The following DCC variants were observed in gnomAD, a reference collection of about 807,000 sequenced individuals.
DCC encodes netrin receptor DCC.
DCC carries 58 observed loss-of-function variants against 172.5 expected under a neutral mutation model. The observed-to-expected ratio is 0.34, with a 90% CI of 0.27 to 0.42. DCC has a LOEUF of 0.42. DCC is among the 10% of genes least tolerant of loss of function. The probability of loss-of-function intolerance (pLI) is 1.00; values close to 1 mark genes in which losing one functional copy is unlikely to be tolerated. For synonymous variants in DCC, 709 were observed against 644.5 expected (o/e 1.10, Z -1.52); for missense variants, 1,740 against 1,791.0 (o/e 0.97, Z 0.51).
chr18:52,662,279 T>A (rs996364164), intron 1 of DCC, among the ~76,000 whole-genome samples: 2 of 152,206 alleles, frequency 1.3e-5, no homozygotes, highest in Admixed American at 1.3e-4. Flanking sequence ...TTCTAGGAGA[T>A]TCAACATGTG....
At chr18:52,876,687 A>G (rs1741669097) in intron 2 of DCC, among the ~76,000 whole-genome samples, 1 of 152,348 alleles carries the variant, frequency 6.6e-6, no homozygotes, top group Non-Finnish European at 1.5e-5. Flanking sequence ...GCCCATAAAT[A>G]TCTTTGTAAA....
At chr18:52,848,153 T>C (rs2038924255) in intron 2 of DCC, among the ~76,000 whole-genome samples, 1 of 148,536 alleles carries the variant, frequency 6.7e-6, no homozygotes, top group African/African-American at 2.5e-5. Context: ...TGGTGCAATC[T>C]CAGCTCACTG....
chr18:53,457,764 T>A (rs1424013752), intron 23 of DCC, among the ~76,000 whole-genome samples: 20 of 152,166 alleles, frequency 1.3e-4, no homozygotes, highest in Admixed American at 1.3e-3. Context: ...AGACCATTGT[T>A]TTAAAACATT....
intron 1 of DCC, among the ~76,000 whole-genome samples, chr18:52,720,761 T>C (rs1361784641): frequency 6.6e-6 from 1 of 152,210 alleles, no homozygotes; most frequent in Non-Finnish European, 1.5e-5. Flanking sequence ...GCTCTTCCTG[T>C]GTGGTTACCA....
rs761396880 is a variant in DCC at position 53,526,749 on chromosome 18, A to G, written c.4244A>G (p.Asp1415Gly). 5.6e-6 allele frequency: 9 copies of G among 1,613,408 alleles called. No homozygotes were observed. The highest frequency in any genetic ancestry group is 1.1e-5 in the South Asian group (1 of 91,082). The part of the protein sequence containing the change: ...VSEESHKPTE[D>G]SANVYEQDDL... The stretch of plus-strand genomic sequence containing the variant: ...GAGGAGAGCCACAAACCAACAGAGG[A>G]TTCAGCCAATGTAAGGGCATCTTTA... The change falls in exon 28 of 29, where the codon GAT becomes GGT. Residue 1415 changes from aspartate to glycine, a missense_variant. Transcript: ENST00000442544.
At chr18:52,613,267 T>A (rs2034308356) in intron 1 of DCC, among the ~76,000 whole-genome samples, 1 of 152,210 alleles carries the variant, frequency 6.6e-6, no homozygotes, top group African/African-American at 2.4e-5. Flanking sequence ...GTTTTGTTTT[T>A]GTTTTTGAGA....
chr18:53,364,184 C>T (rs2057977005), intron 15 of DCC, among the ~76,000 whole-genome samples: 2 of 152,076 alleles, frequency 1.3e-5, no homozygotes, highest in African/African-American at 2.4e-5. Context: ...TTTTTATTAT[C>T]TGGGAGATCA....
At chr18:53,041,978 T>C (rs2042174642) in intron 5 of DCC, among the ~76,000 whole-genome samples, 1 of 152,076 alleles carries the variant, frequency 6.6e-6, no homozygotes, top group Non-Finnish European at 1.5e-5. Flanking sequence ...CCTCTCTTCC[T>C]ACTTATATAC....
At chr18:52,540,768 A>G (rs986558463) in intron 1 of DCC, among the ~76,000 whole-genome samples, 5 of 151,566 alleles carry the variant, frequency 3.3e-5, no homozygotes, top group South Asian at 2.1e-4. Flanking sequence ...CACCACGCCC[A>G]GCTAATTTTT....
At chr18:52,502,579 T>A (rs1318536826) in intron 1 of DCC, among the ~76,000 whole-genome samples, 2 of 152,214 alleles carry the variant, frequency 1.3e-5, no homozygotes, top group Non-Finnish European at 2.9e-5. Flanking sequence ...GAATTGATCC[T>A]TCCATCCATT....
intron 12 of DCC, among the ~76,000 whole-genome samples, chr18:53,222,645 CA>C (rs1405363132): frequency 6.7e-6 from 1 of 150,312 alleles, no homozygotes; most frequent in African/African-American, 2.5e-5. Flanking sequence ...CTCGGCCTCC[CA>C]AAATGCTAAG....
intron 21 of DCC, among the ~76,000 whole-genome samples, 179 bp from the exon 22 acceptor site, chr18:53,434,965 T>G (rs1247757944): frequency 6.6e-6 from 1 of 152,188 alleles, no homozygotes. Flanking sequence ...GCGACTTGTT[T>G]TTCTCACACA....
chr18:53,304,481 C>T (rs2057176656), intron 12 of DCC, among the ~76,000 whole-genome samples: 2 of 152,154 alleles, frequency 1.3e-5, no homozygotes, highest in Admixed American at 6.5e-5. Context: ...AGGAAGAAGA[C>T]ATGGGTAGCT....
At chr18:53,227,074 C>A (rs987234791) in intron 12 of DCC, among the ~76,000 whole-genome samples, 1 of 149,636 alleles carries the variant, frequency 6.7e-6, no homozygotes, top group Non-Finnish European at 1.5e-5. Context: ...CTTAGCCTCC[C>A]GAGTAGCTGG....
In DCC at chr18:52,345,283, G is replaced by T. The variant is rs73955610; in HGVS notation, c.91+4405G>T. On this transcript the variant is annotated intron_variant, in intron 1 of 28. Transcript: ENST00000442544. ...TTAACTAAGGATAAAAAGTCACTTG[G>T]TTCTGGAAAAGTACTGTACTCCCTA... Among the ~76,000 whole-genome samples the T allele has an allele frequency of 3.4e-3, 523 of 152,254 alleles. 7 individuals carry two copies. Among genetic ancestry groups the T allele is most frequent in the African/African-American group, 0.012 (496 of 41,542 alleles).
chr18:53,012,890 T>A (rs1568244230), intron 5 of DCC, among the ~76,000 whole-genome samples: 1 of 151,660 alleles, frequency 6.6e-6, no homozygotes, highest in African/African-American at 2.4e-5. Context: ...ATGAAAAAAA[T>A]GCCCCATCAA....
chr18:52,380,402 G>A (rs1214560002), intron 1 of DCC, among the ~76,000 whole-genome samples: 1 of 152,072 alleles, frequency 6.6e-6, no homozygotes, highest in East Asian at 1.9e-4. Context: ...GTTGAACCAA[G>A]TGTCTCTTTA....
At chr18:53,429,779 G>T (rs11661979) in intron 21 of DCC, among the ~76,000 whole-genome samples, 65,326 of 151,542 alleles carry the variant, frequency 0.43, 15,805 homozygotes, top group Non-Finnish European at 0.55. Flanking sequence ...GCTCAATATT[G>T]GACAGGCATA....
At chr18:53,424,207 C>T (rs1274143333) in intron 21 of DCC, among the ~76,000 whole-genome samples, 1 of 152,140 alleles carries the variant, frequency 6.6e-6, no homozygotes. Context: ...ATTTGAATTT[C>T]ACCAGCTGCT....
Sources: allele counts gnomAD v4.1 joint callset (sites outside exome capture counted in the v4.1 genomes callset), GRCh38; gene constraint gnomAD v4.1.1; transcripts MANE v1.5; gene names NCBI Gene and HGNC (gene_info 2026-07-23, HGNC 2026-07-21).